The following FGD5 variants were observed in gnomAD, a reference collection of about 807,000 sequenced individuals.
FGD5 encodes FYVE, RhoGEF and PH domain containing 5, also known as FYVE, RhoGEF and PH domain-containing protein 5.
A neutral mutation model predicts 133.4 loss-of-function variants in FGD5; 28 were observed. The observed-to-expected ratio is 0.21, with a 90% CI of 0.16 to 0.29. The LOEUF is 0.29. Among genes scored for constraint, FGD5 ranks in the 10% least tolerant of loss-of-function variants. FGD5 has a pLI of 1.00. For missense variants in FGD5, 1,858 were observed against 1,895.2 expected, an observed-to-expected ratio of 0.98 and a Z score of 0.36; for synonymous variants, 810 against 776.5, an observed-to-expected ratio of 1.04 and a Z score of -0.72.
At chr3:14,926,039 T>C (rs2038796976) in intron 17 of FGD5, 31 bp from the exon 18 acceptor site, 8 of 1,611,712 alleles carry the variant, frequency 5.0e-6, no homozygotes, top group Non-Finnish European at 6.8e-6. Flanking sequence ...ACCACCGGGG[T>C]GGGCTGACCG....
intron 4 of FGD5, among the ~76,000 whole-genome samples, chr3:14,885,290 A>G (rs994202749): frequency 5.3e-5 from 8 of 151,596 alleles, no homozygotes; most frequent in African/African-American, 1.9e-4. Context: ...GGCAAAACAG[A>G]TAGTGAGAAG....
At position 14,932,815 on chromosome 3, in the gene FGD5, T is replaced by C. The variant is rs550380901; in HGVS notation, c.4352+84T>C. The C allele has an allele frequency of 1.5e-4, 217 of 1,495,492 alleles. No homozygotes were observed. In the African/African-American group the frequency reaches 2.5e-3, roughly 17 times the overall value. 92.6% of individuals were successfully genotyped at this position (1,495,492 alleles called of 1,614,324 possible). ...TTTCTTGGGGCTTTGGCTTCTGTTC[T>C]GCTCCATTCATCCTATCCCATTAGG... On this transcript the variant is annotated intron_variant, in intron 19 of 19. Transcript: ENST00000285046.
At chr3:14,896,532 G>A (rs1051031170) in intron 4 of FGD5, among the ~76,000 whole-genome samples, 9 of 151,758 alleles carry the variant, frequency 5.9e-5, no homozygotes, top group East Asian at 3.9e-4. Flanking sequence ...GTGCAATGGC[G>A]CGATCTCGGC....
chr3:14,844,525 G>A (rs1159398412), intron 1 of FGD5, among the ~76,000 whole-genome samples: 5 of 151,708 alleles, frequency 3.3e-5, no homozygotes, highest in Non-Finnish European at 5.9e-5. Flanking sequence ...TGACACTGCT[G>A]TGTTTGTGCA....
At chr3:14,825,462 C>CATATAT (rs59408384) in intron 1 of FGD5, among the ~76,000 whole-genome samples, 34 of 149,170 alleles carry the variant, frequency 2.3e-4, no homozygotes, top group African/African-American at 8.3e-4. Flanking sequence ...CCCATCTCTA[C>CATATAT]ATATATATAT....
rs1213553807 is a variant in FGD5, at chr3:14,898,785, G to A, written c.3113G>A (p.Arg1038Gln). 21 of 1,585,178 alleles carry A rather than the reference G, an allele frequency of 1.3e-5. No homozygotes were observed. The highest frequency in any genetic ancestry group is 2.3e-5 in the East Asian group (1 of 43,156). ...GSQTAKHRLL[R>Q]VVQRLFQYQV... Reference sequence around the variant, plus strand: ...CAGACTGCGAAGCATCGGCTGCTGCGGGTGGTTCAACGCCTCTTCCAGTAC... The same window carrying A: ...CAGACTGCGAAGCATCGGCTGCTGCAGGTGGTTCAACGCCTCTTCCAGTAC... The change falls in exon 7 of 20, where the codon CGG (arginine) becomes CAG (glutamine). Residue 1038 changes from arginine to glutamine, a missense_variant. Transcript: ENST00000285046.
At chr3:14,909,183 G>A (rs919043540) in intron 10 of FGD5, among the ~76,000 whole-genome samples, 1 of 152,094 alleles carries the variant, frequency 6.6e-6, no homozygotes, top group Non-Finnish European at 1.5e-5. Flanking sequence ...GGTCAGGCTG[G>A]TCTCAAACTC....
intron 4 of FGD5, among the ~76,000 whole-genome samples, chr3:14,885,014 C>T (rs1319859214): frequency 1.3e-5 from 2 of 151,736 alleles, no homozygotes; most frequent in Non-Finnish European, 2.9e-5. Context: ...CCACCTCCCT[C>T]CTCACTATCT....
At chr3:14,890,403 A>C (rs758982568) in intron 4 of FGD5, among the ~76,000 whole-genome samples, 8 of 152,114 alleles carry the variant, frequency 5.3e-5, no homozygotes, top group Non-Finnish European at 1.2e-4. Context: ...CCATGCTCCC[A>C]CTGTTTCCTC....
intron 1 of FGD5, among the ~76,000 whole-genome samples, chr3:14,812,030 G>GTA (rs1201331344): frequency 7.1e-5 from 7 of 98,692 alleles, no homozygotes; most frequent in African/African-American, 1.9e-4. Context: ...GTGTGTGTGT[G>GTA]TATGTATGTG....
Position 14,820,032 on chromosome 3 carries a change from G to A in FGD5, c.961G>A (p.Ala321Thr), listed in dbSNP as rs546389054. 10 of 1,613,994 alleles carry A rather than the reference G, an allele frequency of 6.2e-6. No homozygotes were observed. The highest frequency in any genetic ancestry group is 2.2e-5 in the East Asian group (1 of 44,874). ...GGAGGACCATGCACAGGATGAGTCC[G>A]CCGAGGAGAGCTGCCAGATTGTCCC... ...TLEDHAQDES[A>T]EESCQIVPFE... The change falls in exon 1 of 20, where the codon GCC becomes ACC. Residue 321 changes from alanine to threonine, a missense_variant. Physicochemically the swap from Ala to Thr is moderately conservative, Grantham distance 58. Transcript: ENST00000285046.
Position 14,821,245 on chromosome 3 carries a change from A to G in FGD5, c.2174A>G (p.Tyr725Cys), listed in dbSNP as rs1249433128. 11 of 1,613,688 alleles carry G rather than the reference A, an allele frequency of 6.8e-6. No individual in the cohort carries two copies. The highest frequency in any genetic ancestry group is 1.3e-5 in the African/African-American group (1 of 74,874). ...ASESPSSLIFYRDGKRKGVPF... is the reference protein window; with the variant it reads ...ASESPSSLIFCRDGKRKGVPF... Reference sequence around the variant, plus strand: ...GAATCCCCCTCCTCCCTCATCTTTTATAGAGATGGCAAGAGGAAAGGTGTC... The same window carrying G: ...GAATCCCCCTCCTCCCTCATCTTTTGTAGAGATGGCAAGAGGAAAGGTGTC... The change falls in exon 1 of 20, where the codon TAT becomes TGT. Residue 725 changes from tyrosine to cysteine, a missense_variant. Around this residue, in one of 3 missense-constraint regions of FGD5, gnomAD observed 1,824 missense variants for 1,848.9 expected, o/e 0.99. Transcript: ENST00000285046.
chr3:14,881,914 A>G (rs1038643258), intron 4 of FGD5, among the ~76,000 whole-genome samples: 4 of 152,164 alleles, frequency 2.6e-5, no homozygotes, highest in Admixed American at 1.3e-4. Context: ...AGAGCACTCA[A>G]CATCAAGCCA....
At chr3:14,878,798 T>G (rs1035578224) in intron 2 of FGD5, among the ~76,000 whole-genome samples, 9 of 149,028 alleles carry the variant, frequency 6.0e-5, no homozygotes, top group Non-Finnish European at 1.2e-4. Context: ...CAATCTCGGC[T>G]CACTACAACC....
At chr3:14,884,840 A>G (rs2037893689) in intron 4 of FGD5, among the ~76,000 whole-genome samples, 1 of 152,190 alleles carries the variant, frequency 6.6e-6, no homozygotes, top group Non-Finnish European at 1.5e-5. Context: ...ATCAAACAGC[A>G]AACTGTTTAT....
At chr3:14,876,522 A>G (rs1469886605) in intron 2 of FGD5, among the ~76,000 whole-genome samples, 1 of 151,184 alleles carries the variant, frequency 6.6e-6, no homozygotes, top group African/African-American at 2.4e-5. Flanking sequence ...TTTATGCAAA[A>G]AATAAATAAA....
chr3:14,879,061 T>G (rs1156890009), intron 2 of FGD5, among the ~76,000 whole-genome samples: 1 of 152,216 alleles, frequency 6.6e-6, no homozygotes, highest in Non-Finnish European at 1.5e-5. Flanking sequence ...CAGCAGTGAT[T>G]TTCTCATCAC....
intron 4 of FGD5, among the ~76,000 whole-genome samples, chr3:14,891,780 A>G (rs1364264482): frequency 6.6e-6 from 1 of 152,172 alleles, no homozygotes; most frequent in Non-Finnish European, 1.5e-5. Flanking sequence ...GCGCAGGCAC[A>G]CGCCTCTGGG....
At chr3:14,912,601 T>A (rs1038471438) in intron 11 of FGD5, among the ~76,000 whole-genome samples, 10 of 152,196 alleles carry the variant, frequency 6.6e-5, no homozygotes. Context: ...GCTGTAACAT[T>A]CATTCATTCT....
Sources: gnomAD v4.1 joint callset for allele counts (sites outside exome capture counted in the v4.1 genomes callset) on GRCh38, gnomAD v4.1.1 for gene constraint, gnomAD v4.1.1 regional missense constraint, MANE v1.5 for transcripts, NCBI Gene and HGNC (gene_info 2026-07-23, HGNC 2026-07-21) for gene names.